Variants in CENPW observed in about 807,000 individuals in gnomAD.
CENPW encodes cancer-up-regulated gene 2 protein.
CENPW carries 3 observed loss-of-function variants against 11.1 expected under a neutral mutation model. The ratio of observed to expected loss-of-function variants is 0.27; its 90% CI spans 0.12 to 0.70. The LOEUF (loss-of-function observed/expected upper bound fraction) is 0.70, where lower values mean the gene tolerates loss of function less well. CENPW is among the 30% of genes least tolerant of loss of function. The pLI is 0.77. For synonymous variants in CENPW, 38 were observed against 42.0 expected (o/e 0.91, Z 0.37); for missense variants, 100 against 105.6 (o/e 0.95, Z 0.23).
the CENPW span, among the ~76,000 whole-genome samples, chr6:126,472,273 T>C: frequency 6.6e-6 from 1 of 152,200 alleles, no homozygotes; most frequent in African/African-American, 2.4e-5. Context: ...TAAATATTCC[T>C]CACCACCCTA....
the CENPW span, among the ~76,000 whole-genome samples, chr6:126,471,120 T>C: frequency 6.6e-6 from 1 of 152,182 alleles, no homozygotes; most frequent in East Asian, 1.9e-4. Flanking sequence ...CTGAATGATA[T>C]GGTTTGGCTT....
chr6:126,450,191 A>G, the CENPW span, among the ~76,000 whole-genome samples: 1 of 151,178 alleles, frequency 6.6e-6, no homozygotes, highest in Non-Finnish European at 1.5e-5. Context: ...CCAAATGGAA[A>G]TTGGAATATT....
the CENPW span, among the ~76,000 whole-genome samples, chr6:126,464,909 A>C: frequency 6.6e-6 from 1 of 152,182 alleles, no homozygotes; most frequent in African/African-American, 2.4e-5. Context: ...AGCTAATATT[A>C]TAATAGCAAA....
chr6:126,390,075 A>G, the CENPW span, among the ~76,000 whole-genome samples: 1 of 151,970 alleles, frequency 6.6e-6, no homozygotes, highest in Non-Finnish European at 1.5e-5. Flanking sequence ...GCCAGAAAGA[A>G]TGCTGGGTTT....
chr6:126,375,815 A>G, the CENPW span, among the ~76,000 whole-genome samples: 15 of 152,078 alleles, frequency 9.9e-5, no homozygotes, highest in Admixed American at 8.5e-4. Flanking sequence ...AGGCCATCCA[A>G]TCCTTTACTC....
At chr6:126,476,026 C>T in the CENPW span, among the ~76,000 whole-genome samples, 2 of 151,590 alleles carry the variant, frequency 1.3e-5, no homozygotes, top group African/African-American at 4.8e-5. Flanking sequence ...ACTCAAATCC[C>T]TGACTCTAAT....
the CENPW span, among the ~76,000 whole-genome samples, chr6:126,385,547 G>T: frequency 2.6e-5 from 4 of 152,208 alleles, no homozygotes; most frequent in South Asian, 8.3e-4. Context: ...CTTATTCATT[G>T]ATATAGTTAG....
chr6:126,429,395 G>A, the CENPW span, among the ~76,000 whole-genome samples: 1,097 of 152,238 alleles, frequency 7.2e-3, 16 homozygotes, highest in African/African-American at 0.026. Flanking sequence ...TTTGGGTCTT[G>A]GGGGTGGATT....
the CENPW span, among the ~76,000 whole-genome samples, chr6:126,360,922 AT>A: frequency 0.44 from 66,542 of 151,906 alleles, 16,678 homozygotes; most frequent in East Asian, 0.97. Flanking sequence ...CATTTTGGTC[AT>A]TTCAATCTGG....
chr6:126,462,025 T>A, the CENPW span, among the ~76,000 whole-genome samples: 1 of 151,984 alleles, frequency 6.6e-6, no homozygotes, highest in Non-Finnish European at 1.5e-5. Context: ...TATGCTATTC[T>A]CCTAGGAGAA....
At chr6:126,428,786 T>A in the CENPW span, among the ~76,000 whole-genome samples, 20 of 152,328 alleles carry the variant, frequency 1.3e-4, 1 homozygote, top group Non-Finnish European at 2.9e-5. Context: ...GCCTTGTTTT[T>A]TTTGTAAAGT....
chr6:126,437,920 C>T, the CENPW span, among the ~76,000 whole-genome samples: 874 of 151,658 alleles, frequency 5.8e-3, 9 homozygotes, highest in African/African-American at 0.019. Context: ...AGCCGTATAG[C>T]GCTGGAGTAT....
At chr6:126,405,119 G>C in the CENPW span, among the ~76,000 whole-genome samples, 3 of 151,992 alleles carry the variant, frequency 2.0e-5, no homozygotes, top group Non-Finnish European at 4.4e-5. Flanking sequence ...TCGTCAGGTA[G>C]ATTTATAGTT....
In CENPW at chr6:126,340,199, C is replaced by G; in HGVS notation, c.-75C>G. On this transcript the variant is annotated 5_prime_UTR_variant, in exon 1 of 3. Coordinates refer to ENST00000368328, the MANE Select transcript of CENPW (RefSeq NM_001012507.4). ...ATACGGACCGGATTGTTTTCGCTGG[C>G]CCAGTGTCCCCGGAGCTTGTGTGCG... 1 of 1,398,408 alleles carries G rather than the reference C, an allele frequency of 7.2e-7. No individual in the cohort carries two copies. 86.6% of individuals were successfully genotyped at this position (1,398,408 alleles called of 1,614,324 possible). A position where few individuals can be genotyped will look rare whatever the true frequency, so the allele number is the denominator to read the frequency against.
the CENPW span, among the ~76,000 whole-genome samples, chr6:126,462,741 G>T: frequency 6.6e-6 from 1 of 151,846 alleles, no homozygotes. Context: ...CCCTTCTATT[G>T]TAATATATAC....
At chr6:126,358,738 A>G in the CENPW span, among the ~76,000 whole-genome samples, 1 of 152,010 alleles carries the variant, frequency 6.6e-6, no homozygotes, top group African/African-American at 2.4e-5. Context: ...AGTTAGGGAG[A>G]AGCCCCTTCT....
the CENPW span, among the ~76,000 whole-genome samples, chr6:126,380,011 A>G: frequency 1.8e-4 from 27 of 152,306 alleles, no homozygotes; most frequent in African/African-American, 6.5e-4. Flanking sequence ...AAGCTTCATT[A>G]CCAGTTCCAA....
chr6:126,460,730 G>A, the CENPW span, among the ~76,000 whole-genome samples: 1 of 151,800 alleles, frequency 6.6e-6, no homozygotes, highest in Non-Finnish European at 1.5e-5. Flanking sequence ...TTCTAATGCA[G>A]CATGGGCAAG....
the CENPW span, among the ~76,000 whole-genome samples, chr6:126,430,429 C>CAT: frequency 3.3e-5 from 5 of 152,086 alleles, no homozygotes; most frequent in East Asian, 3.9e-4. Context: ...ATAAAAAAGA[C>CAT]ATATATATAC....
Sources: allele counts gnomAD v4.1 joint callset (sites outside exome capture counted in the v4.1 genomes callset), GRCh38; gene constraint gnomAD v4.1.1; transcripts MANE v1.5; gene names NCBI Gene and HGNC (gene_info 2026-07-23, HGNC 2026-07-21).